Variants in NRXN3 observed in about 807,000 individuals in gnomAD.
NRXN3 encodes neurexin III.
NRXN3 carries 32 observed loss-of-function variants against 137.6 expected under a neutral mutation model. The ratio of observed to expected loss-of-function variants is 0.23; its 90% CI spans 0.18 to 0.31. The LOEUF (loss-of-function observed/expected upper bound fraction) is 0.31, where lower values mean the gene tolerates loss of function less well. NRXN3 is among the 10% of genes least tolerant of loss of function. NRXN3 has a pLI of 1.00. For synonymous variants in NRXN3, 798 were observed against 784.5 expected, an observed-to-expected ratio of 1.02 and a Z score of -0.29; for missense variants, 1,574 against 2,062.5, an observed-to-expected ratio of 0.76 and a Z score of 4.59.
chr14:78,860,077 T>C (rs1318085056), intron 10 of NRXN3, among the ~76,000 whole-genome samples: 1 of 152,152 alleles, frequency 6.6e-6, no homozygotes, highest in Non-Finnish European at 1.5e-5. Flanking sequence ...AGGTGTAATA[T>C]GCTATTATTA....
intron 4 of NRXN3, among the ~76,000 whole-genome samples, chr14:78,536,411 G>A (rs1416701300): frequency 6.6e-6 from 1 of 152,120 alleles, no homozygotes. Flanking sequence ...TTGCTTCTGA[G>A]GAAACCCAAA....
chr14:79,617,711 T>C (rs72696774), intron 16 of NRXN3, among the ~76,000 whole-genome samples: 1 of 151,984 alleles, frequency 6.6e-6, no homozygotes, highest in Non-Finnish European at 1.5e-5. Flanking sequence ...GCGAAAGGGA[T>C]GTAGAAAGAG....
At chr14:79,373,479 G>A (rs115342690) in intron 15 of NRXN3, among the ~76,000 whole-genome samples, 66 of 152,176 alleles carry the variant, frequency 4.3e-4, no homozygotes, top group Middle Eastern at 3.4e-3. Flanking sequence ...AAAAGATTCC[G>A]GAAAGCGATT....
At chr14:78,211,953 C>T (rs564276114) in intron 1 of NRXN3, among the ~76,000 whole-genome samples, 9 of 152,302 alleles carry the variant, frequency 5.9e-5, no homozygotes, top group African/African-American at 1.9e-4. Context: ...ACTCTGGGAT[C>T]ATATGCTTAG....
chr14:78,524,921 A>G (rs1178535318), intron 4 of NRXN3, among the ~76,000 whole-genome samples: 1 of 152,164 alleles, frequency 6.6e-6, no homozygotes, highest in African/African-American at 2.4e-5. Context: ...AGAGGAAATG[A>G]TGATTCCAAT....
intron 4 of NRXN3, among the ~76,000 whole-genome samples, chr14:78,397,045 C>T (rs1339232344): frequency 6.6e-6 from 1 of 152,156 alleles, no homozygotes. Flanking sequence ...CTCCTAAAAG[C>T]CCTATCTCCA....
At chr14:78,356,409 A>G (rs940911353) in intron 4 of NRXN3, among the ~76,000 whole-genome samples, 5 of 152,202 alleles carry the variant, frequency 3.3e-5, no homozygotes, top group Non-Finnish European at 1.5e-5. Flanking sequence ...CCAAATATAC[A>G]TTACTTTCCT....
intron 11 of NRXN3, among the ~76,000 whole-genome samples, chr14:78,965,280 T>A (rs1193764222): frequency 6.6e-6 from 1 of 152,170 alleles, no homozygotes; most frequent in Non-Finnish European, 1.5e-5. Context: ...GAAATGCAGA[T>A]TCTCAGGCCT....
chr14:79,037,594 TAG>T (rs1168983601), intron 15 of NRXN3, among the ~76,000 whole-genome samples: 3 of 152,150 alleles, frequency 2.0e-5, no homozygotes, highest in African/African-American at 7.2e-5. Context: ...TCTTAGAGAA[TAG>T]AGTGTCCTGA....
At chr14:78,284,888 G>A (rs1029227617) in intron 3 of NRXN3, among the ~76,000 whole-genome samples, 1 of 152,186 alleles carries the variant, frequency 6.6e-6, no homozygotes, top group African/African-American at 2.4e-5. Flanking sequence ...CCCACAGTGT[G>A]CCAGGCACCT....
intron 15 of NRXN3, among the ~76,000 whole-genome samples, chr14:79,320,239 G>A (rs1018947673): frequency 2.0e-5 from 3 of 152,138 alleles, no homozygotes; most frequent in African/African-American, 7.2e-5. Context: ...GAACTCACTG[G>A]TCATTAAACA....
intron 4 of NRXN3, among the ~76,000 whole-genome samples, chr14:78,351,009 G>T (rs2083408476): frequency 6.6e-6 from 1 of 152,066 alleles, no homozygotes; most frequent in Non-Finnish European, 1.5e-5. Context: ...TCTCCACTTA[G>T]TTCCATCCAC....
chr14:79,675,392 C>T (rs1015409424), intron 17 of NRXN3, among the ~76,000 whole-genome samples: 5 of 152,012 alleles, frequency 3.3e-5, no homozygotes, highest in South Asian at 2.1e-4. Context: ...AATGAATAGG[C>T]ACAGCTGTAT....
At chr14:78,208,080 A>G (rs1323790204) in intron 1 of NRXN3, among the ~76,000 whole-genome samples, 1 of 152,092 alleles carries the variant, frequency 6.6e-6, no homozygotes, top group Non-Finnish European at 1.5e-5. Flanking sequence ...CTGTTCTTCA[A>G]TTTTCTCACG....
At chr14:78,892,180 T>C (rs2099160880) in intron 10 of NRXN3, among the ~76,000 whole-genome samples, 1 of 151,998 alleles carries the variant, frequency 6.6e-6, no homozygotes, top group Non-Finnish European at 1.5e-5. Context: ...GGAACTCTGA[T>C]GCACGTTAAA....
chr14:78,671,578 A>T (rs2097935817), intron 6 of NRXN3, among the ~76,000 whole-genome samples: 4 of 152,132 alleles, frequency 2.6e-5, no homozygotes, highest in Admixed American at 2.6e-4. Context: ...AAAAATAAGT[A>T]AATAAAGTCA....
At chr14:78,275,401 C>T (rs1469685001) in intron 2 of NRXN3, among the ~76,000 whole-genome samples, 1 of 152,140 alleles carries the variant, frequency 6.6e-6, no homozygotes, top group African/African-American at 2.4e-5. Flanking sequence ...TCCATTTATA[C>T]ATGATAAGTT....
chr14:78,969,380 T>TA (rs1203763314), intron 14 of NRXN3, among the ~76,000 whole-genome samples: 1 of 152,256 alleles, frequency 6.6e-6, no homozygotes, highest in African/African-American at 2.4e-5. Context: ...ACGTGACTGT[T>TA]ACCTAACTTG....
chr14:78,473,851 A>G (rs893172922), intron 4 of NRXN3, among the ~76,000 whole-genome samples: 2 of 152,186 alleles, frequency 1.3e-5, no homozygotes, highest in Non-Finnish European at 1.5e-5. Context: ...ACTTCTGCAA[A>G]GGGCTGCTTG....
Sources: gnomAD v4.1 joint callset for allele counts (sites outside exome capture counted in the v4.1 genomes callset) on GRCh38, gnomAD v4.1.1 for gene constraint, MANE v1.5 for transcripts, NCBI Gene and HGNC (gene_info 2026-07-23, HGNC 2026-07-21) for gene names.